SCARA5: variants seen among roughly 807,000 people sequenced by gnomAD.
The protein encoded by SCARA5 is scavenger receptor class A, member 5 (putative).
Under a neutral mutation model 46.3 loss-of-function variants are expected in SCARA5, and 45 were observed. The ratio of observed to expected loss-of-function variants is 0.97; its 90% CI spans 0.76 to 1.24. The LOEUF (loss-of-function observed/expected upper bound fraction) is 1.24, where lower values mean the gene tolerates loss of function less well. Ranked by LOEUF, SCARA5 falls within the 50% of genes most tolerant of loss-of-function variation. SCARA5 has a pLI of 0.00. For synonymous variants in SCARA5, 333 were observed against 306.5 expected, an observed-to-expected ratio of 1.09 and a Z score of -0.90; for missense variants, 680 against 689.0, an observed-to-expected ratio of 0.99 and a Z score of 0.15.
At chr8:27,947,600 T>C (rs1312272614) in intron 3 of SCARA5, among the ~76,000 whole-genome samples, 3 of 151,732 alleles carry the variant, frequency 2.0e-5, no homozygotes, top group East Asian at 1.9e-4. Flanking sequence ...TTTGAGAACA[T>C]TACGCTAAGT....
chr8:27,954,505 T>C (rs955517940), intron 3 of SCARA5, among the ~76,000 whole-genome samples: 1 of 152,222 alleles, frequency 6.6e-6, no homozygotes, highest in Non-Finnish European at 1.5e-5. Context: ...CTTAACGCAA[T>C]TTCATAAACA....
chr8:27,900,136 TA>T (rs200462432), intron 7 of SCARA5, among the ~76,000 whole-genome samples: 8,939 of 141,726 alleles, frequency 0.063, 402 homozygotes, highest in African/African-American at 0.13. Flanking sequence ...AGACTCCATC[TA>T]AAAAAAAAAA....
chr8:27,984,504 TCATCTATCCATTCATTCATC>T (rs71222529), intron 2 of SCARA5, among the ~76,000 whole-genome samples: 8 of 142,174 alleles, frequency 5.6e-5, no homozygotes, highest in African/African-American at 1.6e-4. Context: ...ATTTATTCAT[TCATCTATCCATTCATTCATC>T]CATCTATCCA....
chr8:27,938,503 G>C (rs2685309), intron 3 of SCARA5, among the ~76,000 whole-genome samples: 142,131 of 152,220 alleles, frequency 0.93, 66,882 homozygotes, highest in East Asian at 1. Flanking sequence ...AATTTAGACT[G>C]TGTTCTCAAA....
At chr8:27,877,618 G>T (rs1030313390) in intron 8 of SCARA5, among the ~76,000 whole-genome samples, 2 of 152,210 alleles carry the variant, frequency 1.3e-5, no homozygotes, top group African/African-American at 2.4e-5. Context: ...TTCGGAGCTA[G>T]AAATGGGAAT....
At chr8:27,986,895 C>T (rs766366667) in intron 2 of SCARA5, among the ~76,000 whole-genome samples, 2 of 152,248 alleles carry the variant, frequency 1.3e-5, no homozygotes, top group Non-Finnish European at 2.9e-5. Flanking sequence ...CAGTCATCTA[C>T]TGGGTGCACA....
At chr8:27,986,142 G>A (rs12156197) in intron 2 of SCARA5, among the ~76,000 whole-genome samples, 35,053 of 152,126 alleles carry the variant, frequency 0.23, 4,719 homozygotes, top group Middle Eastern at 0.39. Context: ...TCCCCTTTGC[G>A]GATGGACTGA....
intron 4 of SCARA5, among the ~76,000 whole-genome samples, chr8:27,918,793 AGAGGAG>A (rs370803624): frequency 1.6e-5 from 1 of 62,370 alleles, no homozygotes; most frequent in African/African-American, 6.5e-5. Context: ...AAGAGGAGAA[AGAGGAG>A]GAGGAGGAGG....
chr8:27,936,615 G>A (rs1807862289), intron 3 of SCARA5, among the ~76,000 whole-genome samples: 1 of 17,408 alleles, frequency 5.7e-5, no homozygotes, highest in African/African-American at 1.2e-4. Context: ...AAAAAAAGGT[G>A]GGGATGCTTC....
In SCARA5 at chr8:27,961,601, T is replaced by C. The variant is rs141130467; in HGVS notation, c.241+4813A>G. On this transcript the variant is annotated intron_variant, in intron 3 of 8. Coordinates refer to ENST00000354914, the MANE Select transcript of SCARA5 (RefSeq NM_173833.6). ...TCAGAGAAGGGAGTTCTTGGCCAAG[T>C]GCCTCGGCCAATGTCACATAGCTGG... Among the ~76,000 whole-genome samples the C allele has an allele frequency of 1.5e-3, 227 of 152,324 alleles. 2 individuals carry two copies. The highest frequency in any genetic ancestry group is 5.0e-3 in the African/African-American group (208 of 41,558).
At chr8:27,942,351 A>G (rs949952172) in intron 3 of SCARA5, among the ~76,000 whole-genome samples, 4 of 152,100 alleles carry the variant, frequency 2.6e-5, no homozygotes, top group African/African-American at 4.8e-5. Flanking sequence ...TCTCCCTAGA[A>G]CTAGGTAGTT....
intron 3 of SCARA5, among the ~76,000 whole-genome samples, chr8:27,951,352 C>T (rs367936142): frequency 6.6e-6 from 1 of 152,282 alleles, no homozygotes; most frequent in African/African-American, 2.4e-5. Context: ...AAAAACTGAT[C>T]GGCGCCAATG....
At chr8:27,904,910 T>C (rs958004247) in intron 6 of SCARA5, 76 bp from the exon 7 acceptor site, 27 of 1,285,496 alleles carry the variant, frequency 2.1e-5, no homozygotes, top group African/African-American at 1.3e-4. Flanking sequence ...CTGCAGGAGA[T>C]TGATGAACTC....
At chr8:27,949,344 CTATT>C (rs1808086909) in intron 3 of SCARA5, among the ~76,000 whole-genome samples, 1 of 152,250 alleles carries the variant, frequency 6.6e-6, no homozygotes, top group Admixed American at 6.5e-5. Flanking sequence ...TAATCAGCAA[CTATT>C]TATTTTCTCC....
In SCARA5 at chr8:27,871,785, C is replaced by T; in HGVS notation, c.*149G>A. On this transcript the variant is annotated 3_prime_UTR_variant, in exon 9 of 9. Coordinates refer to ENST00000354914, the MANE Select transcript of SCARA5 (RefSeq NM_173833.6). ...TTCAAGAGGGAAATGACGACCGGCC[C>T]CCACGGTCCTGGGATGCAGGTGTGA... 1 of 1,486,594 alleles carries T rather than the reference C, an allele frequency of 6.7e-7. No homozygotes were observed. The highest frequency in any genetic ancestry group is 8.9e-7 in the Non-Finnish European group (1 of 1,120,760). 92.1% of individuals were successfully genotyped at this position (1,486,594 alleles called of 1,614,324 possible). A position where few individuals can be genotyped will look rare whatever the true frequency, so the allele number is the denominator to read the frequency against.
intron 7 of SCARA5, among the ~76,000 whole-genome samples, chr8:27,888,488 C>T (rs1257605455): frequency 6.6e-6 from 1 of 152,196 alleles, no homozygotes; most frequent in African/African-American, 2.4e-5. Context: ...ACATCCATGT[C>T]TTGATTTAGA....
At chr8:27,894,410 G>A (rs1053590042) in intron 7 of SCARA5, among the ~76,000 whole-genome samples, 1 of 152,200 alleles carries the variant, frequency 6.6e-6, no homozygotes, top group Non-Finnish European at 1.5e-5. Context: ...AGCCCTATGG[G>A]GTCTGCCGGA....
chr8:27,914,240 A>G (rs1229190895), intron 4 of SCARA5, among the ~76,000 whole-genome samples: 8 of 152,168 alleles, frequency 5.3e-5, no homozygotes, highest in Admixed American at 2.0e-4. Flanking sequence ...AGCCATGTGG[A>G]CTGTGAGTCC....
intron 3 of SCARA5, among the ~76,000 whole-genome samples, chr8:27,935,080 C>G (rs1425803826): frequency 2.6e-5 from 4 of 152,196 alleles, no homozygotes; most frequent in African/African-American, 9.6e-5. Context: ...CAGAAGCTAG[C>G]TAGGATGCAG....
Sources: gnomAD v4.1 joint callset for allele counts (sites outside exome capture counted in the v4.1 genomes callset) on GRCh38, gnomAD v4.1.1 for gene constraint, MANE v1.5 for transcripts, NCBI Gene and HGNC (gene_info 2026-07-23, HGNC 2026-07-21) for gene names.